Variants in UNC13C observed in about 807,000 individuals in gnomAD.
UNC13C encodes the protein unc-13 homolog C.
A neutral mutation model predicts 245.4 loss-of-function variants in UNC13C; 174 were observed. The ratio of observed to expected loss-of-function variants is 0.71; its 90% CI spans 0.63 to 0.80. The LOEUF (loss-of-function observed/expected upper bound fraction) is 0.80, where lower values mean the gene tolerates loss of function less well. Among genes scored for constraint, UNC13C ranks in the 30% least tolerant of loss-of-function variants. The pLI is 0.00. For synonymous variants in UNC13C, 992 were observed against 895.1 expected (o/e 1.11, Z -1.93); for missense variants, 2,829 against 2,602.9 (o/e 1.09, Z -1.89).
At chr15:54,259,284 C>A (rs1225950181) in intron 8 of UNC13C, among the ~76,000 whole-genome samples, 5 of 152,186 alleles carry the variant, frequency 3.3e-5, no homozygotes, top group African/African-American at 1.2e-4. Flanking sequence ...TCTCCTCTAC[C>A]CAAGTGTATT....
intron 19 of UNC13C, among the ~76,000 whole-genome samples, chr15:54,426,020 T>G (rs1443796677): frequency 6.6e-6 from 1 of 151,688 alleles, no homozygotes; most frequent in African/African-American, 2.4e-5. Context: ...ATTTTTCTCA[T>G]GACTCTAACA....
chr15:54,067,883 T>C (rs192872973), intron 2 of UNC13C, among the ~76,000 whole-genome samples: 82 of 152,330 alleles, frequency 5.4e-4, no homozygotes, highest in African/African-American at 1.9e-3. Flanking sequence ...ACAGTCTGAC[T>C]CCTTTTTAAA....
intron 17 of UNC13C, among the ~76,000 whole-genome samples, chr15:54,386,489 A>G (rs1480352995): frequency 6.6e-6 from 1 of 152,190 alleles, no homozygotes; most frequent in African/African-American, 2.4e-5. Flanking sequence ...TGGAAGTGAC[A>G]CATCCTGTGT....
At chr15:54,334,932 C>A (rs980301902) in intron 16 of UNC13C, among the ~76,000 whole-genome samples, 1 of 151,988 alleles carries the variant, frequency 6.6e-6, no homozygotes, top group Non-Finnish European at 1.5e-5. Context: ...TGTAACTATT[C>A]TTCCCCAACC....
intron 10 of UNC13C, among the ~76,000 whole-genome samples, chr15:54,287,742 T>A (rs1452515342): frequency 6.6e-6 from 1 of 152,150 alleles, no homozygotes; most frequent in East Asian, 1.9e-4. Context: ...GTTGGGAAAT[T>A]GCATAAAACT....
At chr15:54,219,031 AT>A (rs1157824096) in intron 4 of UNC13C, among the ~76,000 whole-genome samples, 33 of 152,072 alleles carry the variant, frequency 2.2e-4, no homozygotes, top group African/African-American at 8.0e-4. Context: ...GCCCAAGGTA[AT>A]TTATAGATTC....
the UNC13C span, among the ~76,000 whole-genome samples, chr15:53,881,307 T>C: frequency 6.6e-6 from 1 of 152,222 alleles, no homozygotes; most frequent in Non-Finnish European, 1.5e-5. Flanking sequence ...GTGTTAGAGC[T>C]GGAAATTGTG....
At chr15:54,215,292 T>C (rs990504691) in intron 4 of UNC13C, among the ~76,000 whole-genome samples, 1 of 151,966 alleles carries the variant, frequency 6.6e-6, no homozygotes, top group Non-Finnish European at 1.5e-5. Context: ...CAACTCATTA[T>C]ACCAAAAACC....
At chr15:54,166,659 T>C (rs912484440) in intron 4 of UNC13C, among the ~76,000 whole-genome samples, 1 of 152,120 alleles carries the variant, frequency 6.6e-6, no homozygotes, top group African/African-American at 2.4e-5. Context: ...GTTAGTAAAA[T>C]AGGTTTCAAG....
At chr15:54,256,021 A>G (rs946407303) in intron 8 of UNC13C, among the ~76,000 whole-genome samples, 1 of 152,210 alleles carries the variant, frequency 6.6e-6, no homozygotes, top group African/African-American at 2.4e-5. Context: ...TAACATACTC[A>G]ATGGATATCA....
chr15:54,509,818 A>T (rs74016634), intron 23 of UNC13C, among the ~76,000 whole-genome samples: 1 of 152,208 alleles, frequency 6.6e-6, no homozygotes, highest in Admixed American at 6.5e-5. Flanking sequence ...GAATTGATTC[A>T]GTAAAACTGC....
chr15:54,414,729 G>T (rs1038624453), intron 18 of UNC13C, among the ~76,000 whole-genome samples: 2 of 152,038 alleles, frequency 1.3e-5, no homozygotes, highest in African/African-American at 4.8e-5. Context: ...CATCCACAGG[G>T]AGACCCAGGC....
At chr15:54,468,468 C>T (rs978378521) in intron 19 of UNC13C, among the ~76,000 whole-genome samples, 1 of 151,378 alleles carries the variant, frequency 6.6e-6, no homozygotes, top group Non-Finnish European at 1.5e-5. Flanking sequence ...TCATTCCATC[C>T]ATTTTTGTTT....
intron 26 of UNC13C, among the ~76,000 whole-genome samples, chr15:54,535,134 A>G (rs1895932126): frequency 6.6e-6 from 1 of 152,160 alleles, no homozygotes; most frequent in South Asian, 2.1e-4. Flanking sequence ...CTCATCTCAC[A>G]TGCAATGACA....
rs150146557 is a variant in UNC13C at position 54,203,731 on chromosome 15, C to T, written c.3072-31299C>T. Reference sequence around the variant, plus strand: ...ATGTATATATACACACATATATACACATATACATATATATGTATATATACA... The same window carrying T: ...ATGTATATATACACACATATATACATATATACATATATATGTATATATACA... On this transcript the variant is annotated intron_variant, in intron 4 of 32. Coordinates refer to ENST00000260323, the MANE Select transcript of UNC13C (RefSeq NM_001080534.3). Among the ~76,000 whole-genome samples, 842 of 131,596 alleles carry T rather than the reference C, an allele frequency of 6.4e-3. 50 individuals are homozygous for T. The East Asian group carries it at 0.12, about 19-fold the overall frequency. 86.3% of individuals were successfully genotyped at this position (131,596 alleles called of 152,430 possible).
the UNC13C span, among the ~76,000 whole-genome samples, chr15:53,934,967 G>C: frequency 6.6e-6 from 1 of 152,028 alleles, no homozygotes; most frequent in African/African-American, 2.4e-5. Context: ...GAAGTTAGGG[G>C]GACATAAAGA....
intron 2 of UNC13C, among the ~76,000 whole-genome samples, chr15:54,124,224 G>C (rs1203886593): frequency 6.6e-6 from 1 of 152,098 alleles, no homozygotes; most frequent in Non-Finnish European, 1.5e-5. Flanking sequence ...ATGTGTAATG[G>C]CTTGTTGAAT....
intron 19 of UNC13C, among the ~76,000 whole-genome samples, chr15:54,491,074 T>C (rs1401801582): frequency 6.6e-6 from 1 of 152,248 alleles, no homozygotes; most frequent in African/African-American, 2.4e-5. Flanking sequence ...CAGATCAATG[T>C]GTTTATATTT....
chr15:54,026,492 TGC>T, intron 2 of UNC13C, among the ~76,000 whole-genome samples: 1 of 152,354 alleles, frequency 6.6e-6, no homozygotes, highest in African/African-American at 2.4e-5. Context: ...CTCTACTGAT[TGC>T]TAAAGTTAGT....
Sources: gnomAD v4.1 joint callset for allele counts (sites outside exome capture counted in the v4.1 genomes callset) on GRCh38, gnomAD v4.1.1 for gene constraint, MANE v1.5 for transcripts, NCBI Gene and HGNC (gene_info 2026-07-23, HGNC 2026-07-21) for gene names.